Variants in NDST3 observed in about 807,000 individuals in gnomAD.
The protein encoded by NDST3 is bifunctional heparan sulfate N-deacetylase/N-sulfotransferase 3.
Under a neutral mutation model 96.1 loss-of-function variants are expected in NDST3, and 58 were observed. The ratio of observed to expected loss-of-function variants is 0.60; its 90% CI spans 0.49 to 0.75. NDST3 has a LOEUF of 0.75. Among genes scored for constraint, NDST3 ranks in the 30% least tolerant of loss-of-function variants. NDST3 has a pLI of 0.00. For synonymous variants in NDST3, 333 were observed against 359.7 expected (o/e 0.93, Z 0.84); for missense variants, 788 against 1,034.2 (o/e 0.76, Z 3.27).
chr4:118,084,214 T>A (rs1728236309), intron 2 of NDST3, among the ~76,000 whole-genome samples: 1 of 152,004 alleles, frequency 6.6e-6, no homozygotes, highest in Admixed American at 6.5e-5. Context: ...TTTTAGCTAC[T>A]CTTGCTATAA....
At chr4:118,127,424 T>C (rs541869804) in intron 4 of NDST3, among the ~76,000 whole-genome samples, 2 of 152,158 alleles carry the variant, frequency 1.3e-5, no homozygotes, top group African/African-American at 4.8e-5. Context: ...ATCTAGTTTT[T>C]CAAGCACCAT....
intron 7 of NDST3, 84 bp downstream of exon 7, chr4:118,224,757 C>A: frequency 8.0e-7 from 1 of 1,256,784 alleles, no homozygotes; most frequent in African/African-American, 1.5e-5. Context: ...AAAGTGAAGG[C>A]ACCTGAAAAA....
At chr4:118,194,471 G>A (rs1737533036) in intron 6 of NDST3, 2 of 726,560 alleles carry the variant, frequency 2.8e-6, no homozygotes, top group Admixed American at 3.5e-5. Context: ...CTTCATGGCT[G>A]CTATGGCAAT....
chr4:118,214,086 A>G (rs537081891), intron 6 of NDST3, among the ~76,000 whole-genome samples: 2 of 147,628 alleles, frequency 1.4e-5, no homozygotes, highest in South Asian at 4.1e-4. Flanking sequence ...AGATACAAAG[A>G]GGAAGTAGTC....
intron 6 of NDST3, among the ~76,000 whole-genome samples, chr4:118,192,918 T>C (rs1240282771): frequency 6.6e-6 from 1 of 152,108 alleles, no homozygotes; most frequent in Non-Finnish European, 1.5e-5. Flanking sequence ...AGCCATGCCA[T>C]CTGGGGTGAG....
chr4:118,048,939 C>A (rs988852864), intron 1 of NDST3, among the ~76,000 whole-genome samples: 2 of 152,150 alleles, frequency 1.3e-5, no homozygotes, highest in Non-Finnish European at 2.9e-5. Flanking sequence ...TTCATCTGCA[C>A]ATAAAACATA....
At chr4:118,245,762 A>G (rs1741275348) in intron 12 of NDST3, among the ~76,000 whole-genome samples, 1 of 152,202 alleles carries the variant, frequency 6.6e-6, no homozygotes, top group South Asian at 2.1e-4. Flanking sequence ...AGTTCAAAAT[A>G]AATATACATT....
At chr4:118,159,941 T>C (rs1234517309) in intron 6 of NDST3, among the ~76,000 whole-genome samples, 1 of 152,066 alleles carries the variant, frequency 6.6e-6, no homozygotes, top group Non-Finnish European at 1.5e-5. Flanking sequence ...AGTTTGCAAA[T>C]ATTTGTATTA....
At chr4:118,125,543 T>C (rs1383722836) in intron 4 of NDST3, among the ~76,000 whole-genome samples, 1 of 152,076 alleles carries the variant, frequency 6.6e-6, no homozygotes, top group East Asian at 1.9e-4. Context: ...GATTATTCCA[T>C]CCTTAAGTAT....
chr4:118,124,124 C>A (rs532509436), intron 4 of NDST3, among the ~76,000 whole-genome samples: 10 of 152,086 alleles, frequency 6.6e-5, no homozygotes, highest in Middle Eastern at 3.4e-3. Context: ...TATGGTACAC[C>A]AGAGGTATTC....
intron 4 of NDST3, among the ~76,000 whole-genome samples, chr4:118,129,739 G>A (rs1430637846): frequency 1.3e-5 from 2 of 151,188 alleles, no homozygotes; most frequent in Admixed American, 6.6e-5. Flanking sequence ...AATATTTTTT[G>A]TTGAGTTCCT....
In NDST3 at chr4:118,054,386, T is replaced by C. The variant is rs1560609945; in HGVS notation, c.476T>C (p.Val159Ala). 2 of 1,612,902 alleles carry C rather than the reference T, an allele frequency of 1.2e-6. No homozygotes were observed. Among genetic ancestry groups the C allele is most frequent in the Non-Finnish European group, 1.7e-6 (2 of 1,179,356 alleles). Residue 159 changes from valine to alanine, a missense_variant, in exon 2 of 14, where the codon GTG (valine) becomes GCG (alanine). This residue lies in a region of NDST3 where 234 missense variants were observed against 256.9 expected (regional missense o/e 0.91). Coordinates refer to ENST00000296499, the MANE Select transcript of NDST3 (RefSeq NM_004784.3). ...LLDKYCVEYG[V>A]GVIGFHKTSE... Reference sequence around the variant, plus strand: ...GATAAATACTGTGTAGAATATGGTGTGGGTGTCATTGGATTCCACAAAACT... The same window carrying C: ...GATAAATACTGTGTAGAATATGGTGCGGGTGTCATTGGATTCCACAAAACT...
intron 1 of NDST3, among the ~76,000 whole-genome samples, chr4:118,040,735 G>A (rs1214485809): frequency 6.6e-6 from 1 of 151,016 alleles, no homozygotes; most frequent in East Asian, 1.9e-4. Context: ...CAGGCTGGAG[G>A]GCAGTGGTGT....
chr4:118,192,890 A>T (rs912568240), intron 6 of NDST3, among the ~76,000 whole-genome samples: 4 of 152,126 alleles, frequency 2.6e-5, no homozygotes, highest in African/African-American at 9.7e-5. Flanking sequence ...GGTCACCATG[A>T]CACCAGGAGA....
intron 6 of NDST3, among the ~76,000 whole-genome samples, chr4:118,163,456 A>G (rs1459523236): frequency 6.6e-6 from 1 of 152,106 alleles, no homozygotes; most frequent in East Asian, 1.9e-4. Flanking sequence ...TTGTAGGGAC[A>G]TGGATGAAAT....
Position 118,077,639 on chromosome 4 carries a change from C to T in NDST3, c.981+22748C>T, listed in dbSNP as rs74546084. Among the ~76,000 whole-genome samples the T allele has an allele frequency of 4.8e-3, 726 of 152,264 alleles. 7 individuals are homozygous for T. Among genetic ancestry groups the T allele is most frequent in the African/African-American group, 0.017 (695 of 41,566 alleles). On this transcript the variant is annotated intron_variant, in intron 2 of 13. Transcript: ENST00000296499. ...AGGTAATATACTTGCCCAGCTGGCC[C>T]TTCGGAGGGAGGTACACCCCATGCC...
intron 6 of NDST3, among the ~76,000 whole-genome samples, chr4:118,159,046 A>T (rs1253551919): frequency 6.6e-6 from 1 of 152,202 alleles, no homozygotes; most frequent in East Asian, 1.9e-4. Context: ...ACTGGAAGAA[A>T]ACTCCCAGCT....
chr4:118,174,887 C>A (rs1736178037), intron 6 of NDST3, among the ~76,000 whole-genome samples: 1 of 152,144 alleles, frequency 6.6e-6, no homozygotes, highest in Non-Finnish European at 1.5e-5. Flanking sequence ...TGCCTCTCCA[C>A]TGTCACCTAT....
intron 1 of NDST3, among the ~76,000 whole-genome samples, chr4:118,040,271 A>T (rs1724367733): frequency 6.6e-6 from 1 of 152,232 alleles, no homozygotes; most frequent in African/African-American, 2.4e-5. Context: ...TCAATATAAA[A>T]TCCTAGAGCT....
Sources: allele counts gnomAD v4.1 joint callset (sites outside exome capture counted in the v4.1 genomes callset), GRCh38; gene constraint gnomAD v4.1.1; regional missense constraint gnomAD v4.1.1; transcripts MANE v1.5; gene names NCBI Gene and HGNC (gene_info 2026-07-23, HGNC 2026-07-21).